The following SLC25A26 variants were observed in gnomAD, a reference collection of about 807,000 sequenced individuals.
SLC25A26 encodes mitochondrial S-adenosylmethionine carrier protein.
Under a neutral mutation model 37.8 loss-of-function variants are expected in SLC25A26, and 36 were observed. That is an observed-to-expected ratio of 0.95 (90% CI 0.73 to 1.26). The LOEUF is 1.26. Ranked by LOEUF, SLC25A26 falls within the 50% of genes most tolerant of loss-of-function variation. The pLI is 0.00. For synonymous variants in SLC25A26, 129 were observed against 122.5 expected, an observed-to-expected ratio of 1.05 and a Z score of -0.35; for missense variants, 390 against 331.1, an observed-to-expected ratio of 1.18 and a Z score of -1.38.
intron 1 of SLC25A26, among the ~76,000 whole-genome samples, chr3:66,138,320 C>A (rs2069978876): frequency 1.3e-5 from 2 of 152,122 alleles, no homozygotes; most frequent in East Asian, 3.8e-4. Flanking sequence ...AATCATCCCA[C>A]AAATCTCACC....
chr3:66,282,778 C>G (rs2074389255), intron 5 of SLC25A26, among the ~76,000 whole-genome samples: 1 of 152,136 alleles, frequency 6.6e-6, no homozygotes, highest in Admixed American at 6.5e-5. Flanking sequence ...TTTGTATAGC[C>G]ATCATCACAA....
intron 6 of SLC25A26, chr3:66,355,993 G>T (rs970914458): frequency 6.6e-6 from 3 of 455,602 alleles, no homozygotes; most frequent in Non-Finnish European, 1.3e-5. Context: ...TTTACTACAT[G>T]TATAAAAAGC....
At chr3:66,367,902 G>A (rs1208480506) in intron 7 of SLC25A26, among the ~76,000 whole-genome samples, 1 of 152,184 alleles carries the variant, frequency 6.6e-6, no homozygotes, top group Non-Finnish European at 1.5e-5. Flanking sequence ...GAGATGAAGA[G>A]TTTTACATAG....
At chr3:66,334,687 A>G (rs961187900) in intron 5 of SLC25A26, among the ~76,000 whole-genome samples, 16 of 152,120 alleles carry the variant, frequency 1.1e-4, no homozygotes, top group Admixed American at 9.8e-4. Context: ...ACTTGAGAAT[A>G]GCATGTCCCA....
chr3:66,206,669 A>G (rs1019582913), intron 1 of SLC25A26, among the ~76,000 whole-genome samples: 107 of 151,502 alleles, frequency 7.1e-4, no homozygotes, highest in Non-Finnish European at 1.2e-3. Context: ...TTCAGTTAAC[A>G]TATTTGCATC....
At chr3:66,165,808 A>G (rs764572046) in intron 1 of SLC25A26, among the ~76,000 whole-genome samples, 3 of 152,142 alleles carry the variant, frequency 2.0e-5, no homozygotes, top group Non-Finnish European at 4.4e-5. Flanking sequence ...GAAAAAATCC[A>G]TAGTGCCTGG....
chr3:66,208,870 G>GTGTATATATATA (rs1364331517), intron 1 of SLC25A26, among the ~76,000 whole-genome samples: 4,144 of 55,882 alleles, frequency 0.074, 279 homozygotes, highest in East Asian at 0.12. Flanking sequence ...ATGGGTGTGT[G>GTGTATATATATA]TATATATATA....
intron 5 of SLC25A26, among the ~76,000 whole-genome samples, chr3:66,302,996 A>T (rs1472497782): frequency 6.6e-6 from 1 of 152,154 alleles, no homozygotes; most frequent in African/African-American, 2.4e-5. Flanking sequence ...TTTGCATTCC[A>T]GGCTGTGTAG....
rs984709521 is a variant in SLC25A26, at chr3:66,243,313, G to A, written c.300+1G>A. ...GTTGGCTGCCTCTGCTGGAGAAGTGGTAAGTAACAAGTTTTGTGTATAAAA... is the reference window on the plus strand; with the variant it reads ...GTTGGCTGCCTCTGCTGGAGAAGTGATAAGTAACAAGTTTTGTGTATAAAA... On this transcript the variant is annotated splice_donor_variant, in intron 3 of 9. Coordinates refer to ENST00000354883, the MANE Select transcript of SLC25A26 (RefSeq NM_001379210.1). LOFTEE classifies it high-confidence loss of function. The A allele has an allele frequency of 2.0e-6, 3 of 1,532,154 alleles. No homozygotes were observed. The highest frequency in any genetic ancestry group is 2.7e-6 in the Non-Finnish European group (3 of 1,110,468). 94.9% of individuals were successfully genotyped at this position (1,532,154 alleles called of 1,614,324 possible).
At chr3:66,363,513 T>G (rs2107810695) in intron 7 of SLC25A26, among the ~76,000 whole-genome samples, 1 of 152,356 alleles carries the variant, frequency 6.6e-6, no homozygotes, top group African/African-American at 2.4e-5. Flanking sequence ...TATCCATCAC[T>G]AAGTCATATG....
At position 66,150,846 on chromosome 3, in the gene SLC25A26, A is replaced by G. The variant is rs192953442; in HGVS notation, c.-354+16862A>G. 3.5e-3 allele frequency among the ~76,000 whole-genome samples: 534 copies of G among 151,588 alleles called. 6 individuals are homozygous for G. Among genetic ancestry groups the G allele is most frequent in the African/African-American group, 0.012 (495 of 41,316 alleles). Reference sequence around the variant, plus strand: ...TTTTTCAGGACTTATTGGATATTTGATAGACCCTCTGTTTTAGATTGCAGA... The same window carrying G: ...TTTTTCAGGACTTATTGGATATTTGGTAGACCCTCTGTTTTAGATTGCAGA... On this transcript the variant is annotated intron_variant, in intron 1 of 10. Transcript: ENST00000676754.
intron 3 of SLC25A26, among the ~76,000 whole-genome samples, chr3:66,245,736 G>T (rs1472955922): frequency 6.6e-6 from 1 of 151,992 alleles, no homozygotes; most frequent in Non-Finnish European, 1.5e-5. Context: ...AAGTGAACTG[G>T]GGATATGGAA....
At chr3:66,282,112 C>T (rs991864470) in intron 5 of SLC25A26, among the ~76,000 whole-genome samples, 9 of 149,162 alleles carry the variant, frequency 6.0e-5, no homozygotes, top group South Asian at 2.1e-4. Context: ...CCCAGGTTCA[C>T]GCCATTCTCC....
intron 1 of SLC25A26, among the ~76,000 whole-genome samples, chr3:66,142,528 C>G (rs996412034): frequency 1.3e-5 from 2 of 152,144 alleles, no homozygotes; most frequent in Non-Finnish European, 2.9e-5. Flanking sequence ...AGAAAAATGC[C>G]CTGTCTCTAA....
At chr3:66,364,302 A>G (rs536117065) in intron 7 of SLC25A26, among the ~76,000 whole-genome samples, 1 of 152,294 alleles carries the variant, frequency 6.6e-6, no homozygotes, top group South Asian at 2.1e-4. Context: ...TGTCAGAAGG[A>G]GTGAGAGAAG....
intron 5 of SLC25A26, among the ~76,000 whole-genome samples, chr3:66,307,657 A>G (rs1187319892): frequency 6.6e-6 from 1 of 152,198 alleles, no homozygotes; most frequent in Non-Finnish European, 1.5e-5. Flanking sequence ...TAAGTCTTAC[A>G]TCTTGAGTTA....
intron 6 of SLC25A26, among the ~76,000 whole-genome samples, chr3:66,352,766 C>T (rs1029352595): frequency 1.3e-5 from 2 of 151,902 alleles, no homozygotes; most frequent in Non-Finnish European, 1.5e-5. Flanking sequence ...TTTCCCTAGG[C>T]CTCTCTCCAT....
intron 1 of SLC25A26, among the ~76,000 whole-genome samples, chr3:66,181,885 G>A (rs1183442976): frequency 1.4e-5 from 2 of 141,632 alleles, no homozygotes; most frequent in Non-Finnish European, 3.0e-5. Context: ...TCTCTTGTTC[G>A]TTTGGACCTG....
chr3:66,155,972 T>C (rs2070277079), intron 1 of SLC25A26, among the ~76,000 whole-genome samples: 1 of 152,138 alleles, frequency 6.6e-6, no homozygotes. Flanking sequence ...CAAACCCAAA[T>C]TTCTAAAAAA....
Sources: gnomAD v4.1 joint callset for allele counts (sites outside exome capture counted in the v4.1 genomes callset) on GRCh38, gnomAD v4.1.1 for gene constraint, MANE v1.5 for transcripts, NCBI Gene and HGNC (gene_info 2026-07-23, HGNC 2026-07-21) for gene names.